The following ASAP1 variants were observed in gnomAD, a reference collection of about 807,000 sequenced individuals.
ASAP1 encodes arf-GAP with SH3 domain, ANK repeat and PH domain-containing protein 1.
ASAP1 carries 43 observed loss-of-function variants against 145.2 expected under a neutral mutation model. The observed-to-expected ratio is 0.30, with a 90% CI of 0.23 to 0.38. The LOEUF (loss-of-function observed/expected upper bound fraction) is 0.38. Ranked by LOEUF, ASAP1 falls within the 10% of genes least tolerant of loss-of-function variation. The probability of loss-of-function intolerance (pLI) is 1.00; values close to 1 mark genes in which losing one functional copy is unlikely to be tolerated. For synonymous variants in ASAP1, 546 were observed against 515.5 expected (o/e 1.06, Z -0.80); for missense variants, 1,018 against 1,355.3 (o/e 0.75, Z 3.91).
intron 3 of ASAP1, among the ~76,000 whole-genome samples, chr8:130,283,532 A>C (rs1821383906): frequency 7.1e-6 from 1 of 141,106 alleles, no homozygotes; most frequent in East Asian, 2.2e-4. Flanking sequence ...GTGAGAGGAG[A>C]TCACGTCACT....
intron 27 of ASAP1, among the ~76,000 whole-genome samples, chr8:130,073,390 CAAA>C (rs35429166): frequency 1.7e-5 from 2 of 117,244 alleles, no homozygotes; most frequent in Admixed American, 8.4e-5. Context: ...AACTCCGTCT[CAAA>C]AAAAAAAAAA....
chr8:130,126,745 T>C (rs2097575536), intron 16 of ASAP1, among the ~76,000 whole-genome samples: 1 of 152,238 alleles, frequency 6.6e-6, no homozygotes, highest in African/African-American at 2.4e-5. Flanking sequence ...TGTGTCACTA[T>C]CATACATGTA....
intron 3 of ASAP1, among the ~76,000 whole-genome samples, chr8:130,273,956 G>A (rs907705236): frequency 6.6e-6 from 1 of 152,170 alleles, no homozygotes; most frequent in Non-Finnish European, 1.5e-5. Context: ...AAGGGGGGCG[G>A]AGGAGCTGGG....
chr8:130,329,520 G>T (rs752375063), intron 3 of ASAP1, among the ~76,000 whole-genome samples: 5 of 152,022 alleles, frequency 3.3e-5, no homozygotes, highest in Admixed American at 6.6e-5. Flanking sequence ...TCCTACAGAC[G>T]TAGAAAGTGG....
intron 6 of ASAP1, 135 bp from the exon 7 acceptor site, chr8:130,187,420 A>ATTT (rs201930107): frequency 3.7e-5 from 21 of 569,390 alleles, no homozygotes; most frequent in Admixed American, 6.8e-5. Flanking sequence ...ACGTTACACC[A>ATTT]TTTTTTTTTT....
intron 1 of ASAP1, among the ~76,000 whole-genome samples, chr8:130,417,716 G>A (rs1416769840): frequency 3.3e-5 from 5 of 152,138 alleles, no homozygotes; most frequent in African/African-American, 1.2e-4. Context: ...CAAGGGCTCA[G>A]AGGATGTGGT....
chr8:130,285,803 C>T (rs534046640), intron 3 of ASAP1, among the ~76,000 whole-genome samples: 28 of 152,254 alleles, frequency 1.8e-4, no homozygotes, highest in Non-Finnish European at 3.2e-4. Flanking sequence ...GAAAGTTTTC[C>T]GCCTCTGGTT....
intron 2 of ASAP1, among the ~76,000 whole-genome samples, chr8:130,385,805 G>A (rs1040608506): frequency 2.6e-5 from 4 of 152,140 alleles, no homozygotes; most frequent in African/African-American, 9.7e-5. Flanking sequence ...TAGAGGGGTG[G>A]GCATTTGCGG....
chr8:130,097,367 G>A (rs747209189), intron 24 of ASAP1, among the ~76,000 whole-genome samples: 4 of 151,876 alleles, frequency 2.6e-5, no homozygotes, highest in South Asian at 2.1e-4. Context: ...GTTCTTCACC[G>A]TCCTCCCTTG....
At position 130,060,815 on chromosome 8, in the gene ASAP1, T is replaced by A. The variant is rs749350012; in HGVS notation, c.2956A>T (p.Met986Leu). ...TGTGGTTTGGGGGGCAGGTCCTTCA[T>A]CTGTGGTTTGGGAGGTAAGTCTGAG... is the stretch of plus-strand genomic sequence containing the variant. ...QLSDLPPKPQ[M>L]KDLPPKPQLG... is the part of the protein sequence containing the mutation. Residue 986 changes from methionine to leucine, a missense_variant, in exon 28 of 30, where the codon ATG (methionine) becomes TTG (leucine). Around this residue, in one of 9 missense-constraint regions of ASAP1, gnomAD observed 139 missense variants for 131.0 expected, o/e 1.06. Coordinates refer to ENST00000518721, the MANE Select transcript of ASAP1 (RefSeq NM_018482.4). 7.4e-6 allele frequency: 12 copies of A among 1,613,088 alleles called. No homozygotes were observed. The highest frequency in any genetic ancestry group is 8.5e-6 in the Non-Finnish European group (10 of 1,179,772).
chr8:130,402,196 G>C lies in ASAP1; in HGVS notation c.-27-226C>G, dbSNP rs115826384. Among the ~76,000 whole-genome samples the C allele has an allele frequency of 5.2e-3, 789 of 152,276 alleles. 7 individuals are homozygous for C. Among genetic ancestry groups the C allele is most frequent in the African/African-American group, 0.018 (736 of 41,548 alleles). On this transcript the variant is annotated intron_variant, in intron 1 of 29. Transcript: ENST00000518721. Reference sequence around the variant, plus strand: ...GAATCTCTGTGCAAGTAAGTGCTCAGGAATCCTTCTGGCATTCTATTTCTA... The same window carrying C: ...GAATCTCTGTGCAAGTAAGTGCTCACGAATCCTTCTGGCATTCTATTTCTA...
intron 3 of ASAP1, among the ~76,000 whole-genome samples, chr8:130,316,147 T>C (rs1392463421): frequency 6.6e-6 from 1 of 152,194 alleles, no homozygotes; most frequent in Non-Finnish European, 1.5e-5. Flanking sequence ...ATCCACAAGT[T>C]CACCTGTGAC....
Position 130,391,250 on chromosome 8 carries a change from G to A in ASAP1, c.59+10635C>T, listed in dbSNP as rs143211614. 6.7e-3 allele frequency among the ~76,000 whole-genome samples: 1,015 copies of A among 152,292 alleles called. 12 individuals carry two copies. The highest frequency in any genetic ancestry group is 0.022 in the African/African-American group (923 of 41,560). ...GTCAAATTCATACAGACAGAAAGTAGAATGGTTATTTCCAGGGATGGGAAG... is the reference window on the plus strand; with the variant it reads ...GTCAAATTCATACAGACAGAAAGTAAAATGGTTATTTCCAGGGATGGGAAG... On this transcript the variant is annotated intron_variant, in intron 2 of 29. Transcript: ENST00000518721.
intron 3 of ASAP1, among the ~76,000 whole-genome samples, chr8:130,305,864 A>G (rs556993518): frequency 6.6e-5 from 10 of 152,288 alleles, no homozygotes; most frequent in Admixed American, 3.9e-4. Context: ...CAAGGCTCTA[A>G]GAGAGGTATC....
intron 19 of ASAP1, 56 bp downstream of exon 19, chr8:130,118,433 C>T: frequency 6.5e-7 from 1 of 1,537,340 alleles, no homozygotes; most frequent in Non-Finnish European, 8.8e-7. Flanking sequence ...AATAAGTCAC[C>T]TTTTAAACTG....
intron 1 of ASAP1, among the ~76,000 whole-genome samples, chr8:130,424,405 A>G (rs1478015432): frequency 6.6e-6 from 1 of 152,028 alleles, no homozygotes; most frequent in Non-Finnish European, 1.5e-5. Flanking sequence ...CTCGGAGAGC[A>G]CTCCACTTCC....
rs1050598434 is a variant in ASAP1, at chr8:130,358,922, A to T, written c.60-779T>A. Among the ~76,000 whole-genome samples the T allele has an allele frequency of 1.6e-4, 25 of 152,126 alleles. No homozygotes were observed. In the South Asian group the frequency reaches 2.3e-3, roughly 14 times the overall value. On this transcript the variant is annotated intron_variant, in intron 2 of 29. Transcript: ENST00000518721. The surrounding 1 kb of genome is among the most constrained non-coding windows in gnomAD (Gnocchi z 4.1). ...GTTTTGCAAGAAGGGGGCCCAAAAA[A>T]GTTGTACGTGTTCTTTTTTAGTCGC...
chr8:130,102,033 A>G (rs2097529686), intron 24 of ASAP1, among the ~76,000 whole-genome samples: 1 of 152,094 alleles, frequency 6.6e-6, no homozygotes, highest in African/African-American at 2.4e-5. Flanking sequence ...AGATCATGTC[A>G]TCTGAAAAGA....
At chr8:130,167,191 C>G (rs2097681632) in intron 11 of ASAP1, among the ~76,000 whole-genome samples, 1 of 152,030 alleles carries the variant, frequency 6.6e-6, no homozygotes. Flanking sequence ...GTAGTCCCAG[C>G]TACCTGGGAG....
Sources: allele counts gnomAD v4.1 joint callset (sites outside exome capture counted in the v4.1 genomes callset), GRCh38; gene constraint gnomAD v4.1.1; regional missense constraint gnomAD v4.1.1; non-coding constraint Gnocchi (gnomAD v3.1); transcripts MANE v1.5; gene names NCBI Gene and HGNC (gene_info 2026-07-23, HGNC 2026-07-21).